Variants in AHI1 observed in about 807,000 individuals in gnomAD.
The protein encoded by AHI1 is jouberin.
A neutral mutation model predicts 149.3 loss-of-function variants in AHI1; 123 were observed. That is an observed-to-expected ratio of 0.82 (90% confidence interval 0.71 to 0.96). The LOEUF (loss-of-function observed/expected upper bound fraction) is 0.96. Ranked by LOEUF, AHI1 falls within the 40% of genes least tolerant of loss-of-function variation. The probability of loss-of-function intolerance (pLI) is 0.00; values close to 1 mark genes in which losing one functional copy is unlikely to be tolerated. For missense variants in AHI1, 1,439 were observed against 1,422.7 expected, an observed-to-expected ratio of 1.01 and a Z score of -0.18; for synonymous variants, 475 against 459.8, an observed-to-expected ratio of 1.03 and a Z score of -0.42.
At chr6:135,314,014 C>CA (rs1342265143) in intron 26 of AHI1, among the ~76,000 whole-genome samples, 1 of 152,166 alleles carries the variant, frequency 6.6e-6, no homozygotes, top group East Asian at 1.9e-4. Flanking sequence ...TGTTAGCTGT[C>CA]ACAGCAACCC....
At chr6:135,340,810 C>G (rs911584259) in intron 24 of AHI1, among the ~76,000 whole-genome samples, 29 of 149,968 alleles carry the variant, frequency 1.9e-4, no homozygotes, top group African/African-American at 7.1e-4. Context: ...TTGTATAAAA[C>G]CAGCACAAAG....
chr6:135,407,189 G>A (rs1780912636), intron 21 of AHI1, among the ~76,000 whole-genome samples: 1 of 151,944 alleles, frequency 6.6e-6, no homozygotes, highest in Admixed American at 6.6e-5. Context: ...AATTTATTAT[G>A]CAATTCACTC....
chr6:135,381,081 A>G (rs1776702872), intron 23 of AHI1, among the ~76,000 whole-genome samples: 1 of 152,166 alleles, frequency 6.6e-6, no homozygotes, highest in African/African-American at 2.4e-5. Flanking sequence ...CTTTTACATT[A>G]GCTTTTAAAG....
Position 135,394,898 on chromosome 6 carries a change from T to A in AHI1, c.2989-2A>T. The A allele has an allele frequency of 6.3e-7, 1 of 1,592,064 alleles. No individual in the cohort carries two copies. The highest frequency in any genetic ancestry group is 8.6e-7 in the Non-Finnish European group (1 of 1,167,834). ...AGTAAATGAGAGATTTTTGTTGACC[T>A]GTATTAGGAAAACAAATCAGAAACT... On this transcript the variant is annotated splice_acceptor_variant, in intron 22 of 28. Coordinates refer to ENST00000265602, the MANE Select transcript of AHI1 (RefSeq NM_001134831.2). LOFTEE classifies it high-confidence loss of function.
chr6:135,358,101 C>G (rs757829569), intron 24 of AHI1, 31 bp downstream of exon 24: 9 of 1,602,756 alleles, frequency 5.6e-6, no homozygotes, highest in Non-Finnish European at 7.7e-6. Flanking sequence ...TTTCTTAACA[C>G]TTTTAACAAC....
intron 23 of AHI1, among the ~76,000 whole-genome samples, chr6:135,358,480 T>C (rs1175265657): frequency 6.6e-6 from 1 of 152,222 alleles, no homozygotes; most frequent in Non-Finnish European, 1.5e-5. Flanking sequence ...TACACCATTA[T>C]CTGGGCTCTG....
intron 22 of AHI1, among the ~76,000 whole-genome samples, chr6:135,404,633 G>A (rs1222967805): frequency 1.3e-5 from 2 of 152,102 alleles, no homozygotes; most frequent in Non-Finnish European, 1.5e-5. Flanking sequence ...TATATTGACC[G>A]GTGTCTTATA....
Position 135,411,388 on chromosome 6 carries a change from G to A in AHI1, c.2921C>T (p.Thr974Met), listed in dbSNP as rs373303895. The change falls in exon 21 of 29, where the codon ACG (threonine) becomes ATG (methionine). Residue 974 changes from threonine to methionine, a missense_variant. By Grantham distance (81) the Thr-to-Met change is moderately conservative. Transcript: ENST00000265602. ...DEFVHTESSS[T>M]KMQLVKQRLE... is the part of the protein sequence containing the mutation. ...CCTCTGTTTTACTAGCTGCATCTTCGTTGAAGAACTTTCAGTGTGGACAAA... is the reference window on the plus strand; with the variant it reads ...CCTCTGTTTTACTAGCTGCATCTTCATTGAAGAACTTTCAGTGTGGACAAA... 59 of 1,613,638 alleles carry A rather than the reference G, an allele frequency of 3.7e-5. 1 individual carries two copies. In the South Asian group the frequency reaches 5.9e-4, roughly 16 times the overall value.
At chr6:135,325,233 G>C (rs1031844843) in intron 24 of AHI1, among the ~76,000 whole-genome samples, 1 of 152,138 alleles carries the variant, frequency 6.6e-6, no homozygotes, top group African/African-American at 2.4e-5. Context: ...CTCCATGTTG[G>C]TCAGGTTGGT....
chr6:135,409,315 T>A (rs1270010913), intron 21 of AHI1, among the ~76,000 whole-genome samples: 3 of 152,144 alleles, frequency 2.0e-5, no homozygotes, highest in Non-Finnish European at 2.9e-5. Context: ...ATGTCAATAA[T>A]CTATTAATAT....
chr6:135,406,967 G>A (rs985062825), intron 21 of AHI1, among the ~76,000 whole-genome samples: 15 of 152,098 alleles, frequency 9.9e-5, no homozygotes, highest in African/African-American at 2.9e-4. Flanking sequence ...ATTTACCAAC[G>A]CTCTCAAGAT....
rs74877211 is a variant in AHI1, at chr6:135,295,331, T to C, written c.3486-4806A>G. ...AGGACTGTAAAAAGGTAAAACCGTA[T>C]GGAAAACAATTTGGCAGTTTCTTAA... On this transcript the variant is annotated intron_variant, in intron 27 of 28. Transcript: ENST00000265602. Among the ~76,000 whole-genome samples the C allele has an allele frequency of 3.6e-3, 552 of 152,326 alleles. 7 individuals are homozygous for C. The highest frequency in any genetic ancestry group is 5.7e-3 in the Non-Finnish European group (388 of 68,018).
intron 8 of AHI1, among the ~76,000 whole-genome samples, chr6:135,458,310 C>T (rs1011251230): frequency 6.6e-6 from 1 of 152,124 alleles, no homozygotes; most frequent in African/African-American, 2.4e-5. Flanking sequence ...CAGAAAGTCA[C>T]TGCCAGGAGA....
intron 24 of AHI1, among the ~76,000 whole-genome samples, chr6:135,348,962 T>C (rs558457686): frequency 8.5e-5 from 13 of 152,228 alleles, no homozygotes; most frequent in African/African-American, 2.6e-4. Context: ...CACAAATATA[T>C]AAATAATGAG....
intron 24 of AHI1, among the ~76,000 whole-genome samples, chr6:135,328,525 A>C (rs1788056851): frequency 6.6e-6 from 1 of 151,982 alleles, no homozygotes; most frequent in Non-Finnish European, 1.5e-5. Flanking sequence ...CTTAATTGAT[A>C]AATGTTGTGT....
chr6:135,329,004 G>C (rs1165818606), intron 24 of AHI1, among the ~76,000 whole-genome samples: 1 of 152,156 alleles, frequency 6.6e-6, no homozygotes, highest in African/African-American at 2.4e-5. Context: ...TCAATTCTAT[G>C]AAGGCTGAGA....
intron 28 of AHI1, among the ~76,000 whole-genome samples, chr6:135,287,940 C>A (rs1353755042): frequency 1.3e-5 from 2 of 151,794 alleles, no homozygotes; most frequent in Non-Finnish European, 2.9e-5. Context: ...TACTAAAATA[C>A]AAAAATTAGC....
rs990540314 is a variant in AHI1, at chr6:135,361,656, C to T, written c.3110-3469G>A. 3.7e-3 allele frequency among the ~76,000 whole-genome samples: 452 copies of T among 122,364 alleles called. 4 individuals are homozygous for T. Among genetic ancestry groups the T allele is most frequent in the African/African-American group, 0.02 (417 of 21,052 alleles). 80.3% of individuals were successfully genotyped at this position (122,364 alleles called of 152,430 possible). A position where few individuals can be genotyped will look rare whatever the true frequency, so the allele number is the denominator to read the frequency against. On this transcript the variant is annotated intron_variant, in intron 23 of 28. Coordinates refer to ENST00000265602, the MANE Select transcript of AHI1 (RefSeq NM_001134831.2). ...ACCTAGGTATGGTTTCACACACACACACACACACACACACACACACACACA... is the reference window on the plus strand; with the variant it reads ...ACCTAGGTATGGTTTCACACACACATACACACACACACACACACACACACA...
intron 8 of AHI1, among the ~76,000 whole-genome samples, chr6:135,460,084 G>A (rs1789630242): frequency 6.6e-6 from 1 of 152,116 alleles, no homozygotes; most frequent in South Asian, 2.1e-4. Context: ...TTGGAAGACT[G>A]AGGTGGGAAG....
Sources: allele counts gnomAD v4.1 joint callset (sites outside exome capture counted in the v4.1 genomes callset), GRCh38; gene constraint gnomAD v4.1.1; transcripts MANE v1.5; gene names NCBI Gene and HGNC (gene_info 2026-07-23, HGNC 2026-07-21).